Variants in KIAA1217 observed in about 807,000 individuals in gnomAD.
The protein encoded by KIAA1217 is sickle tail protein homolog.
A neutral mutation model predicts 163.9 loss-of-function variants in KIAA1217; 88 were observed. That is an observed-to-expected ratio of 0.54 (90% confidence interval 0.45 to 0.64). KIAA1217 has a LOEUF of 0.64. KIAA1217 is among the 30% of genes least tolerant of loss of function. The pLI, the probability that KIAA1217 is intolerant of heterozygous loss-of-function variation, is 0.00. For synonymous variants in KIAA1217, 903 were observed against 923.1 expected (o/e 0.98, Z 0.39); for missense variants, 2,372 against 2,475.0 (o/e 0.96, Z 0.88).
At chr10:23,862,223 A>C (rs932281267) in intron 1 of KIAA1217, among the ~76,000 whole-genome samples, 6 of 152,150 alleles carry the variant, frequency 3.9e-5, no homozygotes, top group Admixed American at 2.0e-4. Context: ...TTTAATCCAT[A>C]GTAAGCTGTG....
intron 1 of KIAA1217, among the ~76,000 whole-genome samples, chr10:23,700,278 C>T (rs1836345772): frequency 6.6e-6 from 1 of 152,022 alleles, no homozygotes; most frequent in Non-Finnish European, 1.5e-5. Flanking sequence ...TTATGTAATC[C>T]CAATCTGACC....
chr10:23,962,117 C>A (rs948337941), intron 1 of KIAA1217, among the ~76,000 whole-genome samples: 3 of 152,188 alleles, frequency 2.0e-5, no homozygotes, highest in African/African-American at 7.2e-5. Flanking sequence ...TTGCCCTGGC[C>A]GTCTGGCCGT....
At chr10:24,368,205 CTTT>C (rs1207955573) in intron 2 of KIAA1217, among the ~76,000 whole-genome samples, 1 of 152,134 alleles carries the variant, frequency 6.6e-6, no homozygotes, top group Non-Finnish European at 1.5e-5. Flanking sequence ...ATAGAGGCAT[CTTT>C]ATTATTTCCG....
chr10:23,705,262 C>G (rs1216317414), intron 1 of KIAA1217, among the ~76,000 whole-genome samples: 1 of 152,060 alleles, frequency 6.6e-6, no homozygotes, highest in African/African-American at 2.4e-5. Flanking sequence ...TTTTGCAACA[C>G]AAAAGTTTTA....
At chr10:23,736,183 C>A (rs577436468) in intron 1 of KIAA1217, among the ~76,000 whole-genome samples, 2 of 152,262 alleles carry the variant, frequency 1.3e-5, no homozygotes, top group East Asian at 1.9e-4. Flanking sequence ...GGAAATTCTT[C>A]CCTGTCTGAG....
chr10:24,054,194 G>T (rs568720398), intron 2 of KIAA1217, among the ~76,000 whole-genome samples: 1 of 152,126 alleles, frequency 6.6e-6, no homozygotes, highest in Non-Finnish European at 1.5e-5. Context: ...AGCAGGTTTT[G>T]GTAATTGAGA....
chr10:24,220,814 G>A (rs1310690708), intron 2 of KIAA1217, among the ~76,000 whole-genome samples: 1 of 143,828 alleles, frequency 7.0e-6, no homozygotes, highest in African/African-American at 2.6e-5. Context: ...AGGCTGGAGT[G>A]CAGTAGTGCC....
At chr10:24,412,355 G>A (rs2057860839) in intron 3 of KIAA1217, among the ~76,000 whole-genome samples, 1 of 152,082 alleles carries the variant, frequency 6.6e-6, no homozygotes, top group South Asian at 2.1e-4. Flanking sequence ...TCAAGCTACT[G>A]GCCTATGTTG....
intron 2 of KIAA1217, among the ~76,000 whole-genome samples, chr10:24,236,639 A>G (rs1186805914): frequency 6.7e-6 from 1 of 150,266 alleles, no homozygotes; most frequent in Non-Finnish European, 1.5e-5. Context: ...GAGCTTTTTC[A>G]GTGAGGAGTT....
intron 2 of KIAA1217, among the ~76,000 whole-genome samples, chr10:24,257,424 GAGA>G (rs1289004970): frequency 2.0e-5 from 3 of 152,154 alleles, no homozygotes; most frequent in Admixed American, 2.0e-4. Context: ...GAGCCCGGAT[GAGA>G]TGTGGGGCCC....
rs182523831 is a variant in KIAA1217, at chr10:24,424,761, C to G, written c.554-8234C>G. 1.2e-4 allele frequency among the ~76,000 whole-genome samples: 19 copies of G among 152,278 alleles called. No homozygotes were observed. In the East Asian group the frequency reaches 3.7e-3, roughly 29 times the overall value. ...GGGATTAGAGGCACATGCCACCATGCCCAGCTAATTTTTGTATTTTTAGTA... is the reference window on the plus strand; with the variant it reads ...GGGATTAGAGGCACATGCCACCATGGCCAGCTAATTTTTGTATTTTTAGTA... On this transcript the variant is annotated intron_variant, in intron 3 of 20. Transcript: ENST00000376454.
At chr10:24,421,837 G>T (rs991937819) in intron 3 of KIAA1217, among the ~76,000 whole-genome samples, 1 of 152,214 alleles carries the variant, frequency 6.6e-6, no homozygotes, top group Non-Finnish European at 1.5e-5. Flanking sequence ...ATCATGATGT[G>T]TTTGTTCATA....
At chr10:23,982,131 T>C (rs1845791400) in intron 1 of KIAA1217, among the ~76,000 whole-genome samples, 1 of 151,928 alleles carries the variant, frequency 6.6e-6, no homozygotes, top group Non-Finnish European at 1.5e-5. Flanking sequence ...ATAGTGCCCC[T>C]AGTGACATAG....
chr10:24,410,913 C>T (rs980143132), intron 3 of KIAA1217, among the ~76,000 whole-genome samples: 2 of 152,300 alleles, frequency 1.3e-5, no homozygotes, highest in South Asian at 2.1e-4. Context: ...CACAGTCCTT[C>T]GTGCGTGTCT....
rs1228997022 is a variant in KIAA1217, at chr10:24,531,920, C to T, written c.3173C>T (p.Pro1058Leu). The T allele has an allele frequency of 2.1e-5, 34 of 1,610,738 alleles. No individual in the cohort carries two copies. Among genetic ancestry groups the T allele is most frequent in the Non-Finnish European group, 2.8e-5 (33 of 1,178,130 alleles). The change falls in exon 15 of 21, where the codon CCA (proline) becomes CTA (leucine). Residue 1058 changes from proline (P) to leucine (L), a missense_variant. Physicochemically the swap from Pro to Leu is moderately conservative, Grantham distance 98. Transcript: ENST00000376454. ...PPPPPRRSYL[P>L]GSGLTTTRSG... ...CCACCTCCTCGTCGAAGCTACCTGC[C>T]AGGATCGGGACTCACCACCACGAGG... is the stretch of plus-strand genomic sequence containing the variant.
chr10:24,041,452 A>C (rs898871438), intron 2 of KIAA1217, among the ~76,000 whole-genome samples: 3 of 152,212 alleles, frequency 2.0e-5, no homozygotes, highest in African/African-American at 7.2e-5. Context: ...TTGTTAGAAT[A>C]AACTCCGAAC....
chr10:24,466,544 C>G, intron 5 of KIAA1217: 1 of 985,306 alleles, frequency 1.0e-6, no homozygotes, highest in Non-Finnish European at 1.2e-6. Flanking sequence ...CCAGTGTCAG[C>G]TTCTCTCCGA....
intron 3 of KIAA1217, among the ~76,000 whole-genome samples, chr10:24,418,339 A>G (rs1056493023): frequency 6.6e-6 from 1 of 152,140 alleles, no homozygotes; most frequent in African/African-American, 2.4e-5. Context: ...CAGAGTGGAA[A>G]AGCTAATCAA....
At chr10:24,324,335 G>C (rs1446731812) in intron 2 of KIAA1217, among the ~76,000 whole-genome samples, 3 of 152,190 alleles carry the variant, frequency 2.0e-5, no homozygotes, top group Non-Finnish European at 2.9e-5. Context: ...GGGAGGCCAA[G>C]GTGGGTGGAT....
Sources: gnomAD v4.1 joint callset for allele counts (sites outside exome capture counted in the v4.1 genomes callset) on GRCh38, gnomAD v4.1.1 for gene constraint, MANE v1.5 for transcripts, NCBI Gene and HGNC (gene_info 2026-07-23, HGNC 2026-07-21) for gene names.